KCNB2: variants seen among roughly 807,000 people sequenced by gnomAD.
The protein encoded by KCNB2 is delayed rectifier potassium channel protein.
KCNB2 carries 15 observed loss-of-function variants against 61.5 expected under a neutral mutation model. That is an observed-to-expected ratio of 0.24 (90% CI 0.16 to 0.38). The LOEUF is 0.38. Among genes scored for constraint, KCNB2 ranks in the 10% least tolerant of loss-of-function variants. The pLI, the probability that KCNB2 is intolerant of heterozygous loss-of-function variation, is 1.00. For missense variants in KCNB2, 828 were observed against 1,125.2 expected (o/e 0.74, Z 3.78); for synonymous variants, 457 against 446.0 (o/e 1.02, Z -0.31).
At chr8:72,892,994 C>T (rs1305176661) in intron 2 of KCNB2, among the ~76,000 whole-genome samples, 1 of 151,738 alleles carries the variant, frequency 6.6e-6, no homozygotes, top group Non-Finnish European at 1.5e-5. Flanking sequence ...ATGATTTTGT[C>T]CTGGACTACT....
chr8:72,537,994 A>T (rs1371612706), intron 1 of KCNB2, 109 bp downstream of exon 1: 5 of 152,114 alleles, frequency 3.3e-5, no homozygotes, highest in Non-Finnish European at 1.5e-5. Flanking sequence ...AAACTGCCAT[A>T]TGGCGCCCAG....
intron 2 of KCNB2, among the ~76,000 whole-genome samples, chr8:72,626,583 G>C (rs1225404210): frequency 6.6e-6 from 1 of 152,166 alleles, no homozygotes; most frequent in African/African-American, 2.4e-5. Flanking sequence ...ATTGTGCAGA[G>C]CACTTTGATA....
chr8:72,827,071 A>C (rs1354660318), intron 2 of KCNB2, among the ~76,000 whole-genome samples: 1 of 152,182 alleles, frequency 6.6e-6, no homozygotes, highest in African/African-American at 2.4e-5. Context: ...AATTTCTGTA[A>C]TATTAGATAA....
chr8:72,634,413 T>C (rs182902903), intron 2 of KCNB2, among the ~76,000 whole-genome samples: 18 of 152,312 alleles, frequency 1.2e-4, no homozygotes, highest in Admixed American at 1.0e-3. Flanking sequence ...AAATTTCATA[T>C]TTCTAACCAC....
intron 1 of KCNB2, among the ~76,000 whole-genome samples, chr8:72,564,675 G>A (rs1806594550): frequency 6.6e-6 from 1 of 152,102 alleles, no homozygotes; most frequent in African/African-American, 2.4e-5. Flanking sequence ...TATAAAGTTA[G>A]GACATGAACA....
chr8:72,568,240 A>T lies in KCNB2; in HGVS notation c.506A>T (p.Asn169Ile). 6.2e-7 allele frequency: 1 copy of T among 1,614,214 alleles called. No individual in the cohort carries two copies. The highest frequency in any genetic ancestry group is 8.5e-7 in the Non-Finnish European group (1 of 1,180,048). Residue 169 changes from asparagine (N) to isoleucine (I), a missense_variant, in exon 2 of 3, where the codon AAT becomes ATT. Physicochemically the swap from Asn to Ile is moderately radical, Grantham distance 149 (BLOSUM62 -3). Coordinates refer to ENST00000523207, the MANE Select transcript of KCNB2 (RefSeq NM_004770.3). The part of the protein sequence containing the change: ...MREREGEEFD[N>I]TCCPDKRKKL... ...GAGCGAGAAGGAGAAGAGTTTGATA[A>T]TACCTGCTGCCCTGATAAAAGGAAG...
intron 2 of KCNB2, among the ~76,000 whole-genome samples, chr8:72,823,523 C>T (rs1023603677): frequency 6.6e-6 from 1 of 152,162 alleles, no homozygotes; most frequent in African/African-American, 2.4e-5. Flanking sequence ...CTGTCATACT[C>T]TACTTCCAAG....
intron 2 of KCNB2, among the ~76,000 whole-genome samples, chr8:72,714,954 G>A (rs1159216475): frequency 6.6e-6 from 1 of 152,106 alleles, no homozygotes; most frequent in East Asian, 1.9e-4. Flanking sequence ...CAAAATAAAG[G>A]GATGGAGGAA....
chr8:72,581,914 C>T (rs927648103), intron 2 of KCNB2, among the ~76,000 whole-genome samples: 1 of 152,162 alleles, frequency 6.6e-6, no homozygotes, highest in Non-Finnish European at 1.5e-5. Flanking sequence ...AAAGTGTAGC[C>T]TTTGTGTGGA....
chr8:72,650,989 G>A (rs1806202438), intron 2 of KCNB2, among the ~76,000 whole-genome samples: 1 of 152,086 alleles, frequency 6.6e-6, no homozygotes, highest in Non-Finnish European at 1.5e-5. Context: ...ATTGGAAAAT[G>A]AATTGTCAAA....
intron 2 of KCNB2, among the ~76,000 whole-genome samples, chr8:72,599,023 C>G (rs1303383799): frequency 6.6e-6 from 1 of 152,098 alleles, no homozygotes; most frequent in Non-Finnish European, 1.5e-5. Flanking sequence ...CCATACTGCC[C>G]AAGGTAATTT....
At chr8:72,690,060 C>G (rs1806916320) in intron 2 of KCNB2, among the ~76,000 whole-genome samples, 1 of 151,228 alleles carries the variant, frequency 6.6e-6, no homozygotes, top group African/African-American at 2.4e-5. Flanking sequence ...AATCAAACTT[C>G]TTAACAATTT....
intron 1 of KCNB2, among the ~76,000 whole-genome samples, chr8:72,545,450 A>C (rs1301525215): frequency 6.6e-6 from 1 of 152,042 alleles, no homozygotes; most frequent in African/African-American, 2.4e-5. Context: ...TGTTATTGTT[A>C]TATAGGTTAT....
intron 2 of KCNB2, among the ~76,000 whole-genome samples, chr8:72,788,684 G>T (rs1041539124): frequency 3.3e-5 from 5 of 152,092 alleles, no homozygotes; most frequent in African/African-American, 1.2e-4. Context: ...AGTCCACAGT[G>T]ATCCAAATTG....
At chr8:72,810,348 C>CG (rs1227754982) in intron 2 of KCNB2, among the ~76,000 whole-genome samples, 2 of 152,126 alleles carry the variant, frequency 1.3e-5, no homozygotes, top group African/African-American at 4.8e-5. Context: ...CCTGGACTGT[C>CG]GCTGATAAAC....
intron 2 of KCNB2, among the ~76,000 whole-genome samples, chr8:72,583,790 C>T (rs1224475088): frequency 1.3e-5 from 2 of 150,832 alleles, no homozygotes; most frequent in East Asian, 4.2e-4. Context: ...TTTATTTATT[C>T]AATGAAAAAT....
At chr8:72,868,043 A>G (rs1321482393) in intron 2 of KCNB2, among the ~76,000 whole-genome samples, 1 of 147,380 alleles carries the variant, frequency 6.8e-6, no homozygotes, top group Non-Finnish European at 1.5e-5. Flanking sequence ...AAGCCAGTGG[A>G]GGTTGATTTT....
chr8:72,660,354 C>G (rs1271200521), intron 2 of KCNB2, among the ~76,000 whole-genome samples: 1 of 152,194 alleles, frequency 6.6e-6, no homozygotes, highest in Non-Finnish European at 1.5e-5. Context: ...GGAATCCTGC[C>G]TGAGAGTCCT....
At chr8:72,551,918 G>A (rs996458949) in intron 1 of KCNB2, among the ~76,000 whole-genome samples, 2 of 152,126 alleles carry the variant, frequency 1.3e-5, no homozygotes, top group Admixed American at 1.3e-4. Flanking sequence ...GGATGGAGCT[G>A]GGGCCCAAGT....
Sources: allele counts gnomAD v4.1 joint callset (sites outside exome capture counted in the v4.1 genomes callset), GRCh38; gene constraint gnomAD v4.1.1; transcripts MANE v1.5; gene names NCBI Gene and HGNC (gene_info 2026-07-23, HGNC 2026-07-21).